DDX17: variants seen among roughly 807,000 people sequenced by gnomAD.
DDX17 encodes the protein DEAD-box helicase 17.
DDX17 carries 10 observed loss-of-function variants against 80.8 expected under a neutral mutation model. That is an observed-to-expected ratio of 0.12 (90% confidence interval 0.08 to 0.21). The LOEUF (loss-of-function observed/expected upper bound fraction) is 0.21. DDX17 is among the 10% of genes least tolerant of loss of function. The pLI, the probability that DDX17 is intolerant of heterozygous loss-of-function variation, is 1.00. For missense variants in DDX17, 586 were observed against 957.4 expected (o/e 0.61, Z 5.12); for synonymous variants, 339 against 336.2 (o/e 1.01, Z -0.09).
chr22:38,497,587 C>T (rs1423441007), intron 5 of DDX17, among the ~76,000 whole-genome samples: 1 of 121,846 alleles, frequency 8.2e-6, no homozygotes, highest in East Asian at 2.5e-4. Context: ...TACTGCACTC[C>T]AGCCTGGGCA....
chr22:38,494,376 C>T, intron 8 of DDX17: 1 of 591,726 alleles, frequency 1.7e-6, no homozygotes, highest in South Asian at 2.2e-5. Flanking sequence ...GAAACTGCAG[C>T]ACCAAGACAC....
chr22:38,496,163 G>T (rs894409990), intron 5 of DDX17, among the ~76,000 whole-genome samples: 2 of 151,998 alleles, frequency 1.3e-5, no homozygotes, highest in African/African-American at 4.8e-5. Flanking sequence ...TGGTATCCTC[G>T]TCACTTTTAC....
Position 38,506,266 on chromosome 22 carries a change from C to G in DDX17, c.-29G>C. ...TGGCTACGCTCAAACCGGGCAGTGC[C>G]GCGGTTTAGGCGTCTCCTTCCTTCC... On this transcript the variant is annotated 5_prime_UTR_variant, in exon 1 of 13. Coordinates refer to ENST00000403230, the MANE Select transcript of DDX17 (RefSeq NM_006386.5). The G allele has an allele frequency of 6.4e-7, 1 of 1,573,104 alleles. No individual in the cohort carries two copies. Among genetic ancestry groups the G allele is most frequent in the Non-Finnish European group, 8.6e-7 (1 of 1,162,460 alleles).
At chr22:38,504,888 T>G (rs1369145361) in intron 1 of DDX17, among the ~76,000 whole-genome samples, 1 of 147,914 alleles carries the variant, frequency 6.8e-6, no homozygotes, top group African/African-American at 2.5e-5. Context: ...ACATATCAAG[T>G]GGCGTCACGT....
intron 1 of DDX17, among the ~76,000 whole-genome samples, 174 bp from the exon 2 acceptor site, chr22:38,501,454 C>T (rs2089829745): frequency 6.6e-6 from 1 of 152,182 alleles, no homozygotes; most frequent in South Asian, 2.1e-4. Context: ...ACCTCCCTTA[C>T]TACCCAACAA....
At chr22:38,498,017 C>G in intron 5 of DDX17, 68 bp downstream of exon 5, 1 of 1,460,324 alleles carries the variant, frequency 6.8e-7, no homozygotes, top group Non-Finnish European at 9.6e-7. Flanking sequence ...TAATGTAAAG[C>G]ACCAAGCCTA....
intron 5 of DDX17, among the ~76,000 whole-genome samples, chr22:38,497,619 CAAAAAAAAA>C (rs138449): frequency 2.7e-5 from 2 of 74,886 alleles, no homozygotes; most frequent in African/African-American, 5.6e-5. Flanking sequence ...AATATATCTC[CAAAAAAAAA>C]AAAAAAAAAG....
intron 11 of DDX17, 118 bp from the exon 12 acceptor site, chr22:38,488,233 TG>T: frequency 6.3e-7 from 1 of 1,590,210 alleles, no homozygotes; most frequent in Admixed American, 1.7e-5. Context: ...GGAAAGAAGG[TG>T]AAGTTAGTAA....
At chr22:38,488,287 A>T in intron 11 of DDX17, 172 bp from the exon 12 acceptor site, 1 of 1,509,526 alleles carries the variant, frequency 6.6e-7, no homozygotes, top group South Asian at 1.3e-5. Context: ...CCAACAGAGT[A>T]AAAGAGGATT....
At chr22:38,492,435 T>C (rs937912081) in intron 10 of DDX17, among the ~76,000 whole-genome samples, 7 of 152,182 alleles carry the variant, frequency 4.6e-5, no homozygotes, top group African/African-American at 1.7e-4. Flanking sequence ...GTTCAAAAGA[T>C]GTAGAATGAA....
intron 4 of DDX17, 32 bp from the exon 5 acceptor site, chr22:38,498,182 G>T: frequency 6.2e-7 from 1 of 1,602,952 alleles, no homozygotes; most frequent in Non-Finnish European, 8.5e-7. Context: ...ACAACCTTAC[G>T]CTTAGAAGTA....
chr22:38,495,246 ATTTTT>A (rs138442), intron 6 of DDX17, among the ~76,000 whole-genome samples, 200 bp from the exon 7 acceptor site: 2 of 130,682 alleles, frequency 1.5e-5, no homozygotes, highest in Non-Finnish European at 3.2e-5. Flanking sequence ...CAGAGAAGCT[ATTTTT>A]TTTTTTTTTT....
rs1190231470 is a variant in DDX17, at chr22:38,506,082, C to G, written c.156G>C (p.Ser52=). Residue 52 remains serine (S), a synonymous_variant, in exon 1 of 13, where the codon TCG becomes TCC. Transcript: ENST00000403230. Reference sequence around the variant, plus strand: ...CCTGCGGCTCCGGTCTGGTGACGACCGATGGCGGCGGCGCCTCCGCTGTTG... The same window carrying G: ...CCTGCGGCTCCGGTCTGGTGACGACGGATGGCGGCGGCGCCTCCGCTGTTG... 1.3e-5 allele frequency: 21 copies of G among 1,579,870 alleles called. No homozygotes were observed. Among genetic ancestry groups the G allele is most frequent in the Admixed American group, 1.9e-5 (1 of 53,644 alleles).
Position 38,505,972 on chromosome 22 carries a change from T to C in DDX17, c.266A>G (p.Asp89Gly). The C allele has an allele frequency of 6.3e-7, 1 of 1,584,462 alleles. No homozygotes were observed. Among genetic ancestry groups the C allele is most frequent in the Non-Finnish European group, 8.6e-7 (1 of 1,166,142 alleles). ...TTACCCTCCACGGTCACGATCCCGG[T>C]CCCGGTCCCCAAAGCCTCCTCCGCG... is the stretch of plus-strand genomic sequence containing the variant. The change falls in exon 1 of 13, where the codon GAC becomes GGC. Residue 89 changes from aspartate to glycine, a missense_variant. Around this residue, in one of 4 missense-constraint regions of DDX17, gnomAD observed 215 missense variants for 238.4 expected, o/e 0.90. Transcript: ENST00000403230.
chr22:38,485,774 A>G lies in DDX17; in HGVS notation c.*161T>C, dbSNP rs2089649970. 8 of 1,100,392 alleles carry G rather than the reference A, an allele frequency of 7.3e-6. No homozygotes were observed. The highest frequency in any genetic ancestry group is 9.8e-6 in the Non-Finnish European group (8 of 818,434). The allele number at this position is 1,100,392 out of a possible 1,614,324, so 68.2% of individuals were successfully genotyped here. A position where few individuals can be genotyped will look rare whatever the true frequency, so the allele number is the denominator to read the frequency against. On this transcript the variant is annotated 3_prime_UTR_variant, in exon 13 of 13. Transcript: ENST00000403230. ...AGAAACCTGGCAGTGAATTCTAACT[A>G]ATCTGCATGAAAAGACAAATCACGA...
At chr22:38,487,297 C>G (rs1374279569) in intron 12 of DDX17, among the ~76,000 whole-genome samples, 3 of 151,718 alleles carry the variant, frequency 2.0e-5, no homozygotes, top group Non-Finnish European at 4.4e-5. Flanking sequence ...GAGTTCGAGA[C>G]CAGCCAGGCC....
At chr22:38,487,806 A>C in intron 12 of DDX17, 73 bp downstream of exon 12, 3 of 1,527,384 alleles carry the variant, frequency 2.0e-6, no homozygotes, top group Non-Finnish European at 2.7e-6. Flanking sequence ...AAAAACAGCA[A>C]CTAAAAGCAA....
intron 11 of DDX17, chr22:38,490,005 G>A: frequency 9.6e-7 from 1 of 1,036,292 alleles, no homozygotes; most frequent in Non-Finnish European, 1.2e-6. Context: ...GGAGTCAACA[G>A]TTCACATGCT....
At chr22:38,497,128 T>A (rs574668194) in intron 5 of DDX17, among the ~76,000 whole-genome samples, 7 of 150,034 alleles carry the variant, frequency 4.7e-5, no homozygotes, top group African/African-American at 1.5e-4. Flanking sequence ...AAACCCCGTC[T>A]CTACTAAAAA....
Sources: gnomAD v4.1 joint callset for allele counts (sites outside exome capture counted in the v4.1 genomes callset) on GRCh38, gnomAD v4.1.1 for gene constraint, gnomAD v4.1.1 regional missense constraint, MANE v1.5 for transcripts, NCBI Gene and HGNC (gene_info 2026-07-23, HGNC 2026-07-21) for gene names.